TRAPPC13: variants seen among roughly 807,000 people sequenced by gnomAD.
TRAPPC13 encodes REV7-interacting novel NHEJ regulator 1.
A neutral mutation model predicts 54.0 loss-of-function variants in TRAPPC13; 39 were observed. The observed-to-expected ratio is 0.72, with a 90% CI of 0.56 to 0.94. The LOEUF is 0.94. Ranked by LOEUF, TRAPPC13 falls within the 40% of genes least tolerant of loss-of-function variation. The pLI, the probability that TRAPPC13 is intolerant of heterozygous loss-of-function variation, is 0.00. For synonymous variants in TRAPPC13, 148 were observed against 167.7 expected (o/e 0.88, Z 0.91); for missense variants, 386 against 488.1 (o/e 0.79, Z 1.97).
chr5:65,638,355 A>G (rs1239124641), intron 4 of TRAPPC13, among the ~76,000 whole-genome samples: 4 of 152,174 alleles, frequency 2.6e-5, no homozygotes, highest in Admixed American at 1.3e-4. Context: ...AGTATTTGTT[A>G]ATGTATGTCA....
intron 1 of TRAPPC13, chr5:65,629,535 G>A (rs2150660511): frequency 6.8e-7 from 1 of 1,468,932 alleles, no homozygotes; most frequent in South Asian, 1.4e-5. Flanking sequence ...CTAGCTCTGA[G>A]GAGTTCAACT....
chr5:65,636,646 T>C lies in TRAPPC13; in HGVS notation c.215+603T>C, dbSNP rs1025345747. Among the ~76,000 whole-genome samples, 4 of 152,204 alleles carry C rather than the reference T, an allele frequency of 2.6e-5. No individual in the cohort carries two copies. The East Asian group carries it at 7.7e-4, about 29-fold the overall frequency. On this transcript the variant is annotated intron_variant, in intron 3 of 12. Coordinates refer to ENST00000399438, the MANE Select transcript of TRAPPC13 (RefSeq NM_024941.4). ...TTAACTACTAATGTAAACATCTTTT[T>C]CAGAAGCCAGTCTTTGTTTTTTTGC...
chr5:65,639,906 C>G lies in TRAPPC13; in HGVS notation c.300+2126C>G, dbSNP rs545359924. 4.6e-5 allele frequency among the ~76,000 whole-genome samples: 7 copies of G among 152,262 alleles called. No individual in the cohort carries two copies. The East Asian group carries it at 1.2e-3, about 25-fold the overall frequency. ...GGGGAGAGGTTTTTGTAAAACCTGTCTTAGAGTGATGAGTTCAGGTAATTG... is the reference window on the plus strand; with the variant it reads ...GGGGAGAGGTTTTTGTAAAACCTGTGTTAGAGTGATGAGTTCAGGTAATTG... On this transcript the variant is annotated intron_variant, in intron 4 of 12. Transcript: ENST00000399438.
At chr5:65,658,231 TG>T in intron 8 of TRAPPC13, 136 bp from the exon 9 acceptor site, 1 of 761,538 alleles carries the variant, frequency 1.3e-6, no homozygotes, top group Non-Finnish European at 1.9e-6. Context: ...GCATTAATTG[TG>T]GTAACTTTGA....
Position 65,637,791 on chromosome 5 carries a change from T to C in TRAPPC13, c.300+11T>C. The C allele has an allele frequency of 6.7e-7, 1 of 1,486,664 alleles. No individual in the cohort carries two copies. The highest frequency in any genetic ancestry group is 9.2e-7 in the Non-Finnish European group (1 of 1,087,082). The allele number at this position is 1,486,664 out of a possible 1,614,324, so 92.1% of individuals were successfully genotyped here. A position where few individuals can be genotyped will look rare whatever the true frequency, so the allele number is the denominator to read the frequency against. ...GACATATTAGTAAAAGTAAGTAACATTCTTACTTGGGATGTATTTTAGTCT... is the reference window on the plus strand; with the variant it reads ...GACATATTAGTAAAAGTAAGTAACACTCTTACTTGGGATGTATTTTAGTCT... On this transcript the variant is annotated intron_variant, in intron 4 of 12. Coordinates refer to ENST00000399438, the MANE Select transcript of TRAPPC13 (RefSeq NM_024941.4).
intron 1 of TRAPPC13, among the ~76,000 whole-genome samples, chr5:65,634,114 T>A (rs1440171290): frequency 6.6e-6 from 1 of 151,014 alleles, no homozygotes. Context: ...GCCTGCCGAG[T>A]AACTGGGACT....
rs546219511 is a variant in TRAPPC13, at chr5:65,637,228, G to A, written c.216-468G>A. Among the ~76,000 whole-genome samples the A allele has an allele frequency of 2.7e-3, 407 of 152,324 alleles. 4 individuals are homozygous for A. The highest frequency in any genetic ancestry group is 8.9e-3 in the African/African-American group (372 of 41,576). On this transcript the variant is annotated intron_variant, in intron 3 of 12. Coordinates refer to ENST00000399438, the MANE Select transcript of TRAPPC13 (RefSeq NM_024941.4). ...TTTTGAATTGCACTAGGTAATGAAT[G>A]AGTGGCCTAGTGTGAACAAAGGAAT...
At chr5:65,647,437 C>T (rs1756255453) in intron 5 of TRAPPC13, among the ~76,000 whole-genome samples, 1 of 151,954 alleles carries the variant, frequency 6.6e-6, no homozygotes, top group Non-Finnish European at 1.5e-5. Flanking sequence ...AAAAGCTGTA[C>T]AAAATGTTTA....
At position 65,651,842 on chromosome 5, in the gene TRAPPC13, G is replaced by GT. The variant is rs762929434; in HGVS notation, c.502-621dup. Among the ~76,000 whole-genome samples, 153 of 41,156 alleles carry GT rather than the reference G, an allele frequency of 3.7e-3. 43 individuals carry two copies. The highest frequency in any genetic ancestry group is 0.023 in the Middle Eastern group (1 of 44). The allele number at this position is 41,156 out of a possible 152,430, so 27.0% of individuals were successfully genotyped here. A position where few individuals can be genotyped will look rare whatever the true frequency, so the allele number is the denominator to read the frequency against. On this transcript the variant is annotated intron_variant, in intron 6 of 12. Coordinates refer to ENST00000399438, the MANE Select transcript of TRAPPC13 (RefSeq NM_024941.4). ...TTGAAAGAAAATAAAACGTGATTCA[G>GT]TTTTTTTTTTTTTTTTTTTTTTTTT...
chr5:65,662,061 T>C lies in TRAPPC13; in HGVS notation c.909T>C (p.Tyr303=), dbSNP rs1756867426. ...GCTTGTTTTCTTAGGCTCCAGGTTA[T>C]GGAGATGTTAGGTTGTCTTTGGAGG... is the stretch of plus-strand genomic sequence containing the variant. ...TSQLQRMAPG[Y]GDVRLSLEAI... Residue 303 remains tyrosine (Y), a synonymous_variant, in exon 11 of 13, where the codon TAT becomes TAC. Transcript: ENST00000399438. The C allele has an allele frequency of 6.2e-7, 1 of 1,604,758 alleles. No individual in the cohort carries two copies. The highest frequency in any genetic ancestry group is 1.7e-5 in the Admixed American group (1 of 58,144).
At position 65,665,194 on chromosome 5, in the gene TRAPPC13, A is replaced by G; in HGVS notation, c.*583A>G. 6.6e-6 allele frequency: 1 copy of G among 152,434 alleles called. No individual in the cohort carries two copies. Among genetic ancestry groups the G allele is most frequent in the Non-Finnish European group, 1.5e-5 (1 of 68,148 alleles). 9.4% of individuals were successfully genotyped at this position (152,434 alleles called of 1,614,324 possible). ...GCGACAGAGTGAGACTCTGTCTCAAAAAAAAAGAGGCAGCTGGGCAGATTT... is the reference window on the plus strand; with the variant it reads ...GCGACAGAGTGAGACTCTGTCTCAAGAAAAAAGAGGCAGCTGGGCAGATTT... On this transcript the variant is annotated 3_prime_UTR_variant, in exon 13 of 13. Coordinates refer to ENST00000399438, the MANE Select transcript of TRAPPC13 (RefSeq NM_024941.4).
chr5:65,630,415 C>G, intron 1 of TRAPPC13: 2 of 1,402,670 alleles, frequency 1.4e-6, no homozygotes, highest in Non-Finnish European at 1.8e-6. Flanking sequence ...ATAATTTTTA[C>G]AGGTTTTAAA....
rs143427601 is a variant in TRAPPC13, at chr5:65,646,999, C to T, written c.301-56C>T. ...TCTTTCCACTCATAGCCATGCACAC[C>T]CTGTAGGTAACCAGTCTCATTTGGA... On this transcript the variant is annotated intron_variant, in intron 4 of 12. Transcript: ENST00000399438. The T allele has an allele frequency of 4.0e-5, 59 of 1,482,458 alleles. No individual in the cohort carries two copies. The Middle Eastern group carries it at 1.2e-3, about 30-fold the overall frequency. The allele number at this position is 1,482,458 out of a possible 1,614,324, so 91.8% of individuals were successfully genotyped here.
At chr5:65,652,688 AATTGAATAATTTT>A (rs1645328315) in intron 7 of TRAPPC13, 143 bp downstream of exon 7, 1 of 717,606 alleles carries the variant, frequency 1.4e-6, no homozygotes, top group Non-Finnish European at 2.6e-6. Context: ...TTTCAGTTAA[AATTGAATAATTTT>A]ATTATAGGTC....
At chr5:65,647,008 A>G (rs1336502313) in intron 4 of TRAPPC13, 47 bp from the exon 5 acceptor site, 4 of 1,503,304 alleles carry the variant, frequency 2.7e-6, no homozygotes, top group African/African-American at 2.8e-5. Flanking sequence ...CCCTGTAGGT[A>G]ACCAGTCTCA....
chr5:65,626,857 G>C (rs528191444), intron 1 of TRAPPC13, among the ~76,000 whole-genome samples: 1 of 149,692 alleles, frequency 6.7e-6, no homozygotes, highest in East Asian at 2.0e-4. Context: ...TATTTAAGCA[G>C]CCTAAGCCAG....
intron 4 of TRAPPC13, 125 bp downstream of exon 4, chr5:65,637,905 G>A: frequency 2.2e-6 from 1 of 456,602 alleles, no homozygotes. Flanking sequence ...GATCACCTGA[G>A]GTCAGGAGTT....
chr5:65,637,895 G>C, intron 4 of TRAPPC13, 115 bp downstream of exon 4: 2 of 481,892 alleles, frequency 4.2e-6, no homozygotes, highest in Non-Finnish European at 7.5e-6. Context: ...GAAGCAGGTG[G>C]ATCACCTGAG....
intron 9 of TRAPPC13, among the ~76,000 whole-genome samples, chr5:65,659,532 G>A (rs1158322107): frequency 6.6e-6 from 1 of 152,096 alleles, no homozygotes; most frequent in Non-Finnish European, 1.5e-5. Context: ...AAAGAGTAAG[G>A]GTGAATGTGG....
Sources: allele counts gnomAD v4.1 joint callset (sites outside exome capture counted in the v4.1 genomes callset), GRCh38; gene constraint gnomAD v4.1.1; transcripts MANE v1.5; gene names NCBI Gene and HGNC (gene_info 2026-07-23, HGNC 2026-07-21).